Variants in AATK observed in about 807,000 individuals in gnomAD.
AATK encodes lemur tail kinase 1.
AATK carries 91 observed loss-of-function variants against 114.3 expected under a neutral mutation model. The ratio of observed to expected loss-of-function variants is 0.80; its 90% CI spans 0.67 to 0.95. AATK has a LOEUF of 0.95. Ranked by LOEUF, AATK falls within the 40% of genes least tolerant of loss-of-function variation. The pLI is 0.00. For missense variants in AATK, 2,176 were observed against 1,965.2 expected (o/e 1.11, Z -2.03); for synonymous variants, 1,075 against 916.5 (o/e 1.17, Z -3.12).
chr17:81,119,896 C>T, intron 12 of AATK, 40 bp downstream of exon 12: 1 of 1,410,566 alleles, frequency 7.1e-7, no homozygotes, highest in Non-Finnish European at 9.2e-7. Context: ...CCAGGCCCTG[C>T]CTCCCGTGAC....
rs762375873 is a variant in AATK, at chr17:81,121,597, G to A, written c.2339C>T (p.Pro780Leu). 2.7e-6 allele frequency: 4 copies of A among 1,502,498 alleles called. No individual in the cohort carries two copies. Among genetic ancestry groups the A allele is most frequent in the Non-Finnish European group, 3.5e-6 (4 of 1,127,084 alleles). The allele number at this position is 1,502,498 out of a possible 1,614,324, so 93.1% of individuals were successfully genotyped here. A position where few individuals can be genotyped will look rare whatever the true frequency, so the allele number is the denominator to read the frequency against. Residue 780 changes from proline to leucine, a missense_variant, in exon 11 of 14, where the codon CCC becomes CTC. Coordinates refer to ENST00000326724, the MANE Select transcript of AATK (RefSeq NM_001080395.3). The part of the protein sequence containing the change: ...SSGGDHPQAE[P>L]KLATEAEGTT... ...GCCCTCAGCCTCCGTGGCAAGCTTG[G>A]GCTCTGCCTGCGGGTGGTCACCCCC...
At chr17:81,118,548 C>G in intron 13 of AATK, 106 bp from the exon 14 acceptor site, 7 of 1,182,776 alleles carry the variant, frequency 5.9e-6, no homozygotes, top group Non-Finnish European at 8.6e-6. Context: ...CAGGCCGGGC[C>G]CCTTCCCTGC....
chr17:81,133,964 G>A lies in AATK; in HGVS notation c.189+404C>T, dbSNP rs565500841. Among the ~76,000 whole-genome samples, 8 of 152,278 alleles carry A rather than the reference G, an allele frequency of 5.3e-5. No individual in the cohort carries two copies. In the South Asian group the frequency reaches 6.2e-4, roughly 12 times the overall value. ...GGACTCCCCTTTGCAGATTGAATTC[G>A]GAGGGACGTGAGAGCCCCTTGCAGA... On this transcript the variant is annotated intron_variant, in intron 2 of 13. Coordinates refer to ENST00000326724, the MANE Select transcript of AATK (RefSeq NM_001080395.3).
chr17:81,122,907 A>C, intron 10 of AATK, 84 bp from the exon 11 acceptor site: 4 of 1,238,122 alleles, frequency 3.2e-6, no homozygotes, highest in Non-Finnish European at 4.3e-6. Flanking sequence ...GGTTCCCCTA[A>C]CTCCCAGTGT....
chr17:81,122,475 C>T lies in AATK; in HGVS notation c.1461G>A (p.Ala487=), dbSNP rs1263237038. Residue 487 remains alanine, a synonymous_variant, in exon 11 of 14, where the codon GCG becomes GCA. Coordinates refer to ENST00000326724, the MANE Select transcript of AATK (RefSeq NM_001080395.3). ...GGCTCAGCGTGGCCGGGAAGGCCTCCGCGCCGCGGCCCGCCTCCCACTTGT... is the reference window on the plus strand; with the variant it reads ...GGCTCAGCGTGGCCGGGAAGGCCTCTGCGCCGCGGCCCGCCTCCCACTTGT... ...FEYKWEAGRG[A]EAFPATLSPG... is the part of the protein sequence containing the mutation. The T allele has an allele frequency of 4.8e-6, 7 of 1,452,832 alleles. No individual in the cohort carries two copies. In the African/African-American group the frequency reaches 7.5e-5, roughly 15 times the overall value. 90.0% of individuals were successfully genotyped at this position (1,452,832 alleles called of 1,614,324 possible).
At chr17:81,145,245 AAAAAAG>A (rs1567822433) in intron 1 of AATK, among the ~76,000 whole-genome samples, 9 of 132,476 alleles carry the variant, frequency 6.8e-5, no homozygotes, top group South Asian at 2.5e-4. Flanking sequence ...AAAAAAAAAA[AAAAAAG>A]AAAAAGAAAA....
At chr17:81,165,596 AC>A (rs1598240534) in intron 1 of AATK, 12 of 1,369,326 alleles carry the variant, frequency 8.8e-6, no homozygotes, top group Non-Finnish European at 1.1e-5. Flanking sequence ...GCTGGCTGAC[AC>A]CCCCCACACC....
chr17:81,156,076 A>G (rs981829736), intron 1 of AATK, among the ~76,000 whole-genome samples: 2 of 141,100 alleles, frequency 1.4e-5, no homozygotes, highest in Admixed American at 6.7e-5. Flanking sequence ...GTATGTTACT[A>G]TGTTACAATG....
At chr17:81,138,098 A>G (rs1337639720) in intron 1 of AATK, among the ~76,000 whole-genome samples, 1 of 148,764 alleles carries the variant, frequency 6.7e-6, no homozygotes, top group African/African-American at 2.5e-5. Flanking sequence ...ACACACGCGG[A>G]CACATACGTG....
chr17:81,124,903 C>CGG, intron 8 of AATK, 27 bp downstream of exon 8: 1 of 1,538,090 alleles, frequency 6.5e-7, no homozygotes, highest in Non-Finnish European at 8.8e-7. Context: ...CCCTCATGCC[C>CGG]AGCCCAGCCC....
Position 81,166,064 on chromosome 17 carries a change from C to T in AATK, c.-72G>A. 1.8e-6 allele frequency: 2 copies of T among 1,117,570 alleles called. No homozygotes were observed. The highest frequency in any genetic ancestry group is 2.2e-6 in the Non-Finnish European group (2 of 890,240). 69.2% of individuals were successfully genotyped at this position (1,117,570 alleles called of 1,614,324 possible). ...GGACGCCCGCGGCCCCGGCCCGAGCCGCCGCATCACCCAGCGGCCGCCGCA... is the reference window on the plus strand; with the variant it reads ...GGACGCCCGCGGCCCCGGCCCGAGCTGCCGCATCACCCAGCGGCCGCCGCA... On this transcript the variant is annotated 5_prime_UTR_variant, in exon 1 of 14. Transcript: ENST00000326724.
intron 1 of AATK, among the ~76,000 whole-genome samples, chr17:81,145,031 G>A (rs750865682): frequency 5.3e-5 from 8 of 152,038 alleles, no homozygotes; most frequent in East Asian, 3.9e-4. Context: ...TCAGGAGTTC[G>A]AGACCATCCT....
intron 13 of AATK, among the ~76,000 whole-genome samples, 168 bp downstream of exon 13, chr17:81,119,212 G>A (rs1399318465): frequency 5.5e-5 from 8 of 144,650 alleles, no homozygotes; most frequent in Non-Finnish European, 1.2e-4. Flanking sequence ...AGGGCCAGGC[G>A]GGGTCCAGGC....
At position 81,121,780 on chromosome 17, in the gene AATK, G is replaced by C; in HGVS notation, c.2156C>G (p.Pro719Arg). 2.6e-6 allele frequency: 4 copies of C among 1,551,152 alleles called. No homozygotes were observed. The East Asian group carries it at 9.3e-5, about 36-fold the overall frequency. ...AGGCTCTCCAGGGTACCCCGGCTCG[G>C]GGGAGGCCCGTGGGGTCTGCTTTGG... ...PSPKQTPRAS[P>R]EPGYPGEPLL... The change falls in exon 11 of 14, where the codon CCC (proline) becomes CGC (arginine). Residue 719 changes from proline to arginine, a missense_variant. Physicochemically the swap from Pro to Arg is moderately radical, Grantham distance 103. Transcript: ENST00000326724.
intron 1 of AATK, among the ~76,000 whole-genome samples, chr17:81,142,994 G>A (rs1039706365): frequency 2.6e-5 from 4 of 152,230 alleles, no homozygotes; most frequent in South Asian, 2.1e-4. Flanking sequence ...CAGGCACAGC[G>A]TGGCCTGAGC....
intron 3 of AATK, among the ~76,000 whole-genome samples, chr17:81,129,958 C>T (rs901006555): frequency 9.9e-5 from 15 of 152,250 alleles, no homozygotes; most frequent in African/African-American, 2.2e-4. Context: ...GTAGGACAGG[C>T]GTTGAGGCCT....
At position 81,119,563 on chromosome 17, in the gene AATK, C is replaced by T. The variant is rs759610642; in HGVS notation, c.3901G>A (p.Asp1301Asn). 7 of 1,573,064 alleles carry T rather than the reference C, an allele frequency of 4.4e-6. No individual in the cohort carries two copies. In the East Asian group the frequency reaches 1.7e-4, roughly 38 times the overall value. ...GCCGTCATCAGCGGGAAGTCGTCGTCCCACGCGAACCCACCACCTGCAGCC... is the reference window on the plus strand; with the variant it reads ...GCCGTCATCAGCGGGAAGTCGTCGTTCCACGCGAACCCACCACCTGCAGCC... Reference protein sequence around the residue: ...TAEEGGGFAWDDDFPLMTAKA... With the variant: ...TAEEGGGFAWNDDFPLMTAKA... The change falls in exon 13 of 14, where the codon GAC becomes AAC. Residue 1301 changes from aspartate (D) to asparagine (N), a missense_variant. Around this residue, in one of 4 missense-constraint regions of AATK, gnomAD observed 1,701 missense variants for 1,394.7 expected, o/e 1.22. Transcript: ENST00000326724.
rs553849658 is a variant in AATK, at chr17:81,126,375, G to A, written c.755+52C>T. The A allele has an allele frequency of 6.3e-5, 96 of 1,520,944 alleles. No individual in the cohort carries two copies. The East Asian group carries it at 1.6e-3, about 26-fold the overall frequency. 94.2% of individuals were successfully genotyped at this position (1,520,944 alleles called of 1,614,324 possible). ...GACCCGCCCTATGCCCTTCCTTCAG[G>A]GGAGGGGCCTGGCCTAGGGCTTCCC... On this transcript the variant is annotated intron_variant, in intron 7 of 13. Transcript: ENST00000326724. The surrounding 1 kb of genome is among the most constrained non-coding windows in gnomAD (Gnocchi z 5.1).
chr17:81,119,620 G>A (rs939619578), intron 12 of AATK, 40 bp from the exon 13 acceptor site: 3 of 1,524,584 alleles, frequency 2.0e-6, no homozygotes, highest in African/African-American at 2.9e-5. Flanking sequence ...CTCACAGCCT[G>A]GGACCCCGGC....
Sources: allele counts gnomAD v4.1 joint callset (sites outside exome capture counted in the v4.1 genomes callset), GRCh38; gene constraint gnomAD v4.1.1; regional missense constraint gnomAD v4.1.1; non-coding constraint Gnocchi (gnomAD v3.1); transcripts MANE v1.5; gene names NCBI Gene and HGNC (gene_info 2026-07-23, HGNC 2026-07-21).